Variants in DNER observed in about 807,000 individuals in gnomAD.
DNER encodes the protein delta and Notch-like epidermal growth factor-related receptor.
In DNER, 33 loss-of-function variants were observed where a neutral mutation model predicts 78.2. That is an observed-to-expected ratio of 0.42 (90% CI 0.32 to 0.56). The LOEUF is 0.56. DNER is among the 20% of genes least tolerant of loss of function. The probability of loss-of-function intolerance (pLI) is 0.11; values close to 1 mark genes in which losing one functional copy is unlikely to be tolerated. For synonymous variants in DNER, 417 were observed against 384.8 expected (o/e 1.08, Z -0.98); for missense variants, 918 against 975.3 (o/e 0.94, Z 0.78).
At chr2:229,497,657 C>A (rs910717352) in intron 6 of DNER, among the ~76,000 whole-genome samples, 1 of 151,132 alleles carries the variant, frequency 6.6e-6, no homozygotes, top group Non-Finnish European at 1.5e-5. Context: ...TACTATAACA[C>A]AAAGAATTAC....
chr2:229,651,381 G>T (rs966342399), intron 1 of DNER, among the ~76,000 whole-genome samples: 2 of 152,222 alleles, frequency 1.3e-5, no homozygotes, highest in African/African-American at 2.4e-5. Context: ...CTGAGTCGTC[G>T]ATGTTTTCCT....
chr2:229,564,761 C>T (rs571220905), intron 4 of DNER, among the ~76,000 whole-genome samples: 64 of 152,086 alleles, frequency 4.2e-4, no homozygotes, highest in Non-Finnish European at 3.2e-4. Context: ...GCAACATAAG[C>T]AACCAACATG....
intron 11 of DNER, among the ~76,000 whole-genome samples, chr2:229,377,447 T>C (rs1191164198): frequency 6.6e-6 from 1 of 152,244 alleles, no homozygotes; most frequent in Non-Finnish European, 1.5e-5. Context: ...TAGGAAGGCA[T>C]ATTTTCCTTT....
chr2:229,574,715 C>A (rs1229169398), intron 4 of DNER, among the ~76,000 whole-genome samples: 1 of 151,822 alleles, frequency 6.6e-6, no homozygotes, highest in Non-Finnish European at 1.5e-5. Context: ...AAATAAATTA[C>A]CTTGTTGAGA....
At chr2:229,371,916 C>G (rs1692491464) in intron 11 of DNER, among the ~76,000 whole-genome samples, 1 of 152,134 alleles carries the variant, frequency 6.6e-6, no homozygotes, top group South Asian at 2.1e-4. Context: ...TTTAAGACTA[C>G]TTGTTGCCTA....
intron 1 of DNER, among the ~76,000 whole-genome samples, chr2:229,680,729 C>T (rs1316551897): frequency 1.3e-5 from 2 of 152,196 alleles, no homozygotes; most frequent in Non-Finnish European, 2.9e-5. Context: ...CTAATGATTG[C>T]CTTTTCATAC....
intron 1 of DNER, among the ~76,000 whole-genome samples, chr2:229,690,553 G>C (rs187940339): frequency 1.3e-5 from 2 of 152,096 alleles, no homozygotes; most frequent in Admixed American, 6.6e-5. Flanking sequence ...TTGCTACACC[G>C]AATGCACCCA....
intron 1 of DNER, among the ~76,000 whole-genome samples, chr2:229,683,857 A>G (rs1041888751): frequency 2.6e-5 from 4 of 151,998 alleles, no homozygotes; most frequent in African/African-American, 9.7e-5. Flanking sequence ...CTAGGGCATC[A>G]TGGGGGCTGT....
At chr2:229,700,798 G>A (rs2154217646) in intron 1 of DNER, among the ~76,000 whole-genome samples, 1 of 151,524 alleles carries the variant, frequency 6.6e-6, no homozygotes, top group South Asian at 2.1e-4. Flanking sequence ...GCACACACCT[G>A]TAGTCCCAGC....
intron 5 of DNER, among the ~76,000 whole-genome samples, chr2:229,533,571 A>G (rs201568795): frequency 6.6e-6 from 1 of 152,254 alleles, no homozygotes; most frequent in African/African-American, 2.4e-5. Context: ...TCTTTCCAAC[A>G]TTGTCTGACA....
Position 229,460,793 on chromosome 2 carries a change from T to C in DNER, c.1262-13253A>G, listed in dbSNP as rs576677825. Among the ~76,000 whole-genome samples, 18 of 152,244 alleles carry C rather than the reference T, an allele frequency of 1.2e-4. No homozygotes were observed. The South Asian group carries it at 3.7e-3, about 32-fold the overall frequency. Reference sequence around the variant, plus strand: ...GAAATTTTGAGTCAAAACTAGCTTGTCAACCTGATAGTGATCACAAGAAGG... The same window carrying C: ...GAAATTTTGAGTCAAAACTAGCTTGCCAACCTGATAGTGATCACAAGAAGG... On this transcript the variant is annotated intron_variant, in intron 7 of 12. Coordinates refer to ENST00000341772, the MANE Select transcript of DNER (RefSeq NM_139072.4).
Position 229,684,252 on chromosome 2 carries a change from T to C in DNER, c.276+29896A>G, listed in dbSNP as rs564383264. Among the ~76,000 whole-genome samples the C allele has an allele frequency of 3.4e-5, 5 of 148,280 alleles. No individual in the cohort carries two copies. The East Asian group carries it at 1.0e-3, about 30-fold the overall frequency. Reference sequence around the variant, plus strand: ...GCACAGTGTCAGGCAGGGCTTCCAATAGGAGGTGATGGCTGAGCTGAACTT... The same window carrying C: ...GCACAGTGTCAGGCAGGGCTTCCAACAGGAGGTGATGGCTGAGCTGAACTT... On this transcript the variant is annotated intron_variant, in intron 1 of 12. Transcript: ENST00000341772.
At chr2:229,540,704 G>T (rs1041623032) in intron 5 of DNER, among the ~76,000 whole-genome samples, 8 of 152,216 alleles carry the variant, frequency 5.3e-5, no homozygotes, top group Non-Finnish European at 8.8e-5. Context: ...GGTAGGAAGA[G>T]ATGTCACAGA....
chr2:229,621,823 C>T (rs768062257), intron 1 of DNER, among the ~76,000 whole-genome samples: 3 of 152,174 alleles, frequency 2.0e-5, no homozygotes, highest in African/African-American at 7.2e-5. Flanking sequence ...CAGTGGCTCA[C>T]GCCTGTAATC....
chr2:229,519,315 G>C (rs956172100), intron 5 of DNER, among the ~76,000 whole-genome samples: 2 of 152,024 alleles, frequency 1.3e-5, no homozygotes, highest in African/African-American at 4.8e-5. Flanking sequence ...CTTCTCAGCA[G>C]CTATATTTCT....
chr2:229,551,633 TA>T (rs1031435851), intron 4 of DNER, among the ~76,000 whole-genome samples: 11 of 143,500 alleles, frequency 7.7e-5, no homozygotes, highest in Admixed American at 2.1e-4. Flanking sequence ...AAACCCCGTT[TA>T]AAAAAAAACA....
chr2:229,581,187 G>T lies in DNER; in HGVS notation c.847+4671C>A, dbSNP rs1697390372. On this transcript the variant is annotated intron_variant, in intron 4 of 12. Coordinates refer to ENST00000341772, the MANE Select transcript of DNER (RefSeq NM_139072.4). ...CACAGAAGCCACACCCCAGAGATCT[G>T]GTTTGGCTCTCACCCTGAGATCGGC... Among the ~76,000 whole-genome samples, 3 of 152,182 alleles carry T rather than the reference G, an allele frequency of 2.0e-5. No individual in the cohort carries two copies. In the South Asian group the frequency reaches 6.2e-4, roughly 32 times the overall value.
In DNER at chr2:229,374,633, G is replaced by A. The variant is rs529427960; in HGVS notation, c.1856-7514C>T. The stretch of plus-strand genomic sequence containing the variant: ...ATATAGGAAGCAACTGAGACTCTAA[G>A]AGGAAAGCTATGTGCCCAGGGTTAC... On this transcript the variant is annotated intron_variant, in intron 11 of 12. Coordinates refer to ENST00000341772, the MANE Select transcript of DNER (RefSeq NM_139072.4). 2.6e-5 allele frequency among the ~76,000 whole-genome samples: 4 copies of A among 152,242 alleles called. No homozygotes were observed. In the South Asian group the frequency reaches 6.2e-4, roughly 24 times the overall value.
chr2:229,395,211 T>G (rs1693108610), intron 10 of DNER, among the ~76,000 whole-genome samples: 1 of 152,190 alleles, frequency 6.6e-6, no homozygotes, highest in African/African-American at 2.4e-5. Flanking sequence ...AGGTGAGAGA[T>G]ACAGTCTTAG....
Sources: gnomAD v4.1 joint callset for allele counts (sites outside exome capture counted in the v4.1 genomes callset) on GRCh38, gnomAD v4.1.1 for gene constraint, MANE v1.5 for transcripts, NCBI Gene and HGNC (gene_info 2026-07-23, HGNC 2026-07-21) for gene names.